GNG2: variants seen among roughly 807,000 people sequenced by gnomAD.
GNG2 encodes the protein G protein subunit gamma 2.
Under a neutral mutation model 5.5 loss-of-function variants are expected in GNG2, and 5 were observed. The observed-to-expected ratio is 0.91, with a 90% CI of 0.48 to 1.92. The LOEUF is 1.92. Ranked by LOEUF, GNG2 falls within the 30% of genes most tolerant of loss-of-function variation. The pLI is 0.01. For missense variants in GNG2, 55 were observed against 88.4 expected (o/e 0.62, Z 1.52); for synonymous variants, 28 against 32.0 (o/e 0.88, Z 0.42).
rs1430606348 is a variant in GNG2 at position 51,914,268 on chromosome 14, G to C, written c.-29-36382G>C. The C allele has an allele frequency of 5.7e-6, 4 of 702,192 alleles. No homozygotes were observed. In the Admixed American group the frequency reaches 8.0e-5, roughly 14 times the overall value. The allele number at this position is 702,192 out of a possible 1,614,324, so 43.5% of individuals were successfully genotyped here. The stretch of plus-strand genomic sequence containing the variant: ...TAGGCAACATAAAACGGACAAGCCA[G>C]ACCAAGGTAGAATGGAAAAGGACTG... On this transcript the variant is annotated intron_variant, in intron 2 of 3. Transcript: ENST00000556766.
intron 3 of GNG2, among the ~76,000 whole-genome samples, chr14:51,953,344 C>T (rs139248007): frequency 6.6e-6 from 1 of 152,088 alleles, no homozygotes; most frequent in African/African-American, 2.4e-5. Flanking sequence ...AAATCCCTGA[C>T]CTAGTTGAAG....
intron 1 of GNG2, among the ~76,000 whole-genome samples, chr14:51,864,519 C>G (rs1217793589): frequency 6.6e-6 from 1 of 152,180 alleles, no homozygotes; most frequent in Admixed American, 6.5e-5. Context: ...AAATAAAATA[C>G]TCCTCTCAAA....
At chr14:51,962,401 A>G (rs59111766) in intron 3 of GNG2, among the ~76,000 whole-genome samples, 16,124 of 152,124 alleles carry the variant, frequency 0.11, 1,608 homozygotes, top group East Asian at 0.39. Flanking sequence ...AGTCACATGT[A>G]CTGCTAGGGC....
At chr14:51,843,637 A>T (rs1026304287) in intron 2 of GNG2, among the ~76,000 whole-genome samples, 17 of 151,642 alleles carry the variant, frequency 1.1e-4, no homozygotes, top group African/African-American at 4.1e-4. Context: ...CCTCAACCCT[A>T]CTTTCTTTCA....
chr14:51,963,912 G>A (rs1889754843), intron 3 of GNG2, among the ~76,000 whole-genome samples: 1 of 152,194 alleles, frequency 6.6e-6, no homozygotes, highest in South Asian at 2.1e-4. Context: ...TAAAAAGTGA[G>A]ACTGATTTTT....
chr14:51,903,712 G>A lies in GNG2; in HGVS notation c.-30+26055G>A, dbSNP rs185012510. On this transcript the variant is annotated intron_variant, in intron 2 of 3. Transcript: ENST00000556766. Reference sequence around the variant, plus strand: ...TTATTTGAGTAGCATAGACCTGCACGATAAATCCTTAGAAGATGGCAGGGA... The same window carrying A: ...TTATTTGAGTAGCATAGACCTGCACAATAAATCCTTAGAAGATGGCAGGGA... Among the ~76,000 whole-genome samples, 415 of 152,200 alleles carry A rather than the reference G, an allele frequency of 2.7e-3. 2 individuals carry two copies. Among genetic ancestry groups the A allele is most frequent in the African/African-American group, 9.5e-3 (396 of 41,522 alleles).
intron 2 of GNG2, among the ~76,000 whole-genome samples, chr14:51,938,357 A>G (rs994173049): frequency 6.6e-6 from 1 of 152,184 alleles, no homozygotes; most frequent in Admixed American, 6.5e-5. Context: ...TTATGCATGT[A>G]ATGTTTTAGG....
intron 1 of GNG2, among the ~76,000 whole-genome samples, chr14:51,862,540 CT>C (rs757666896): frequency 2.6e-5 from 4 of 152,242 alleles, no homozygotes; most frequent in African/African-American, 7.2e-5. Flanking sequence ...CAGGCTTACC[CT>C]TTGGTACTTA....
At chr14:51,837,260 G>GA (rs1476103131) in intron 2 of GNG2, among the ~76,000 whole-genome samples, 1 of 152,090 alleles carries the variant, frequency 6.6e-6, no homozygotes. Context: ...GATATAGGGA[G>GA]AAAAAAAGTT....
At position 51,968,796 on chromosome 14, in the gene GNG2, C is replaced by G. The variant is rs1383814889; in HGVS notation, c.*2109C>G. ...AACACGGATGAATGAATAAAACACT[C>G]TTTGGTGGTGACTGAGGCATCATTA... On this transcript the variant is annotated 3_prime_UTR_variant, in exon 4 of 4. Transcript: ENST00000556766. 6.6e-6 allele frequency: 1 copy of G among 152,194 alleles called. No homozygotes were observed. The highest frequency in any genetic ancestry group is 2.4e-5 in the African/African-American group (1 of 41,444). The allele number at this position is 152,194 out of a possible 1,614,324, so 9.4% of individuals were successfully genotyped here.
At chr14:51,841,647 T>C (rs1881486498) in intron 2 of GNG2, 1 of 666,374 alleles carries the variant, frequency 1.5e-6, no homozygotes, top group Non-Finnish European at 2.7e-6. Context: ...AAGCAAAACA[T>C]TAAGGCACAT....
At chr14:51,878,231 G>A (rs1017110177) in intron 2 of GNG2, among the ~76,000 whole-genome samples, 21 of 152,102 alleles carry the variant, frequency 1.4e-4, no homozygotes, top group Non-Finnish European at 5.9e-5. Flanking sequence ...AGGTGATAAC[G>A]TGTTTGCCCA....
At position 51,907,739 on chromosome 14, in the gene GNG2, A is replaced by G. The variant is rs2067829; in HGVS notation, c.-30+30082A>G. Among the ~76,000 whole-genome samples, 1,276 of 152,314 alleles carry G rather than the reference A, an allele frequency of 8.4e-3. 20 individuals carry two copies. Among genetic ancestry groups the G allele is most frequent in the African/African-American group, 0.029 (1,205 of 41,568 alleles). ...TAACCAAATTTGATTTCTGGATCCT[A>G]TGATCCCGGTGATGTCCCTTGGATT... On this transcript the variant is annotated intron_variant, in intron 2 of 3. Coordinates refer to ENST00000556766, the MANE Select transcript of GNG2 (RefSeq NM_053064.5).
rs1440205309 is a variant in GNG2, at chr14:51,950,775, G to A, written c.87+10G>A. On this transcript the variant is annotated intron_variant, in intron 3 of 3. Coordinates refer to ENST00000556766, the MANE Select transcript of GNG2 (RefSeq NM_053064.5). ...TATCGACAGGATAAAGGTGAGGATG[G>A]TCTAACCCCACACTTCATCTAGCGT... The A allele has an allele frequency of 1.3e-6, 2 of 1,547,762 alleles. No individual in the cohort carries two copies. The highest frequency in any genetic ancestry group is 4.6e-5 in the East Asian group (2 of 43,180).
At chr14:51,826,423 A>T in intron 1 of GNG2, among the ~76,000 whole-genome samples, 1 of 152,214 alleles carries the variant, frequency 6.6e-6, no homozygotes, top group East Asian at 1.9e-4. Context: ...ATGTGCATAG[A>T]TTATATGCAA....
chr14:51,877,748 C>T (rs1883772219), intron 2 of GNG2, 91 bp downstream of exon 2: 1 of 382,438 alleles, frequency 2.6e-6, no homozygotes, highest in South Asian at 1.9e-5. Flanking sequence ...TAGATGAAAG[C>T]ATGTGATGTT....
rs560602238 is a variant in GNG2 at position 51,941,371 on chromosome 14, G to A, written c.-29-9279G>A. On this transcript the variant is annotated intron_variant, in intron 2 of 3. Transcript: ENST00000556766. ...CAAACAAGAATAATAAAAATATTAA[G>A]TGACTGAGAGACTATAAACCTCCAA... Among the ~76,000 whole-genome samples, 16 of 152,276 alleles carry A rather than the reference G, an allele frequency of 1.1e-4. No homozygotes were observed. In the East Asian group the frequency reaches 3.1e-3, roughly 29 times the overall value.
At chr14:51,881,828 A>C (rs1303280993) in intron 2 of GNG2, among the ~76,000 whole-genome samples, 2 of 149,514 alleles carry the variant, frequency 1.3e-5, no homozygotes, top group African/African-American at 4.9e-5. Context: ...ATTCAGCACT[A>C]TCAGTCATTG....
chr14:51,948,017 G>C (rs893594423), intron 2 of GNG2, among the ~76,000 whole-genome samples: 3 of 152,224 alleles, frequency 2.0e-5, no homozygotes, highest in Non-Finnish European at 2.9e-5. Flanking sequence ...TAGTGTAGCA[G>C]TCATGCTAGA....
Sources: allele counts gnomAD v4.1 joint callset (sites outside exome capture counted in the v4.1 genomes callset), GRCh38; gene constraint gnomAD v4.1.1; transcripts MANE v1.5; gene names NCBI Gene and HGNC (gene_info 2026-07-23, HGNC 2026-07-21).